CDHR2: variants seen among roughly 807,000 people sequenced by gnomAD.
CDHR2 encodes cadherin-related family member 2.
Under a neutral mutation model 138.6 loss-of-function variants are expected in CDHR2, and 104 were observed. The observed-to-expected ratio is 0.75, with a 90% CI of 0.64 to 0.88. The LOEUF is 0.88. Ranked by LOEUF, CDHR2 falls within the 40% of genes least tolerant of loss-of-function variation. The probability of loss-of-function intolerance (pLI) is 0.00; values close to 1 mark genes in which losing one functional copy is unlikely to be tolerated. For missense variants in CDHR2, 1,624 were observed against 1,727.6 expected, an observed-to-expected ratio of 0.94 and a Z score of 1.06; for synonymous variants, 755 against 742.8, an observed-to-expected ratio of 1.02 and a Z score of -0.27.
At chr5:176,547,054 C>G (rs1396007114), upstream of CDHR2, among the ~76,000 whole-genome samples, 1 of 151,274 alleles carries the variant, frequency 6.6e-6, no homozygotes, top group East Asian at 1.9e-4. Context: ...TCTTGGCTCA[C>G]TGCAACCTCT....
chr5:176,577,351 TG>T, intron 12 of CDHR2, 47 bp from the exon 13 acceptor site: 1 of 1,563,612 alleles, frequency 6.4e-7, no homozygotes, highest in East Asian at 2.3e-5. Flanking sequence ...AAGATGCAGG[TG>T]GGCAGAGCAG....
intron 20 of CDHR2, 64 bp downstream of exon 20, chr5:176,586,089 G>T: frequency 7.5e-7 from 1 of 1,329,678 alleles, no homozygotes. Flanking sequence ...GAGCAACCCC[G>T]ACAGACCCTC....
chr5:176,574,366 C>G (rs1758310339), intron 7 of CDHR2, among the ~76,000 whole-genome samples, 194 bp downstream of exon 7: 1 of 152,214 alleles, frequency 6.6e-6, no homozygotes, highest in Admixed American at 6.5e-5. Context: ...AAAGAGGGTG[C>G]CTGCTGCAGA....
chr5:176,583,840 G>T (rs1017428825), intron 17 of CDHR2, among the ~76,000 whole-genome samples: 1 of 152,206 alleles, frequency 6.6e-6, no homozygotes, highest in Non-Finnish European at 1.5e-5. Flanking sequence ...CGAGAGATGG[G>T]AGTCAAGCTG....
intron 3 of CDHR2, 74 bp from the exon 4 acceptor site, chr5:176,568,604 C>T (rs1434262479): frequency 1.1e-5 from 17 of 1,557,556 alleles, no homozygotes; most frequent in Non-Finnish European, 1.2e-5. Context: ...CCAGCCCAGC[C>T]TCACAGCCAG....
chr5:176,555,465 C>G (rs551632076), intron 1 of CDHR2, among the ~76,000 whole-genome samples: 243 of 152,346 alleles, frequency 1.6e-3, no homozygotes, highest in African/African-American at 5.7e-3. Flanking sequence ...AGATGAAATT[C>G]TATGAATCCC....
At chr5:176,582,134 C>T (rs1360940701) in intron 17 of CDHR2, among the ~76,000 whole-genome samples, 1 of 152,166 alleles carries the variant, frequency 6.6e-6, no homozygotes, top group African/African-American at 2.4e-5. Flanking sequence ...GATCCTCCTG[C>T]CTCAGCCTCC....
rs200367630 is a variant in CDHR2 at position 176,588,528 on chromosome 5, T to C, written c.2857-503T>C. Among the ~76,000 whole-genome samples, 11 of 136,916 alleles carry C rather than the reference T, an allele frequency of 8.0e-5. No individual in the cohort carries two copies. In the East Asian group the frequency reaches 2.2e-3, roughly 28 times the overall value. 89.8% of individuals were successfully genotyped at this position (136,916 alleles called of 152,430 possible). A position where few individuals can be genotyped will look rare whatever the true frequency, so the allele number is the denominator to read the frequency against. ...GTATGAGTGTGTGCATGTGTGTGAG[T>C]GTGTTAGGGTGAGTGAGTGTATGTG... is the stretch of plus-strand genomic sequence containing the variant. On this transcript the variant is annotated intron_variant, in intron 21 of 31. Coordinates refer to ENST00000261944, the MANE Select transcript of CDHR2 (RefSeq NM_017675.6).
At position 176,575,579 on chromosome 5, in the gene CDHR2, C is replaced by G; in HGVS notation, c.842C>G (p.Ser281Cys). 6.2e-7 allele frequency: 1 copy of G among 1,614,068 alleles called. No individual in the cohort carries two copies. The highest frequency in any genetic ancestry group is 8.5e-7 in the Non-Finnish European group (1 of 1,179,914). ...AATGACCCTGTGATCTACAGCATCT[C>G]CTGTGAGAACGGGGTGTCCCCAGGC... ...GINDPVIYSI[S>C]YSTRPGWFDI... The change falls in exon 10 of 32, where the codon TCC becomes TGC. Residue 281 changes from serine (S) to cysteine (C), a missense_variant and splice_region_variant. This residue lies in a region of CDHR2 where 1,061 missense variants were observed against 1,136.6 expected (regional missense o/e 0.93). Transcript: ENST00000261944.
At chr5:176,571,852 T>C (rs192891462) in intron 6 of CDHR2, among the ~76,000 whole-genome samples, 1 of 152,138 alleles carries the variant, frequency 6.6e-6, no homozygotes, top group African/African-American at 2.4e-5. Flanking sequence ...ATCTAAAAAA[T>C]TTAGAGGTAC....
chr5:176,590,054 C>T, intron 24 of CDHR2, 24 bp from the exon 25 acceptor site: 1 of 1,605,390 alleles, frequency 6.2e-7, no homozygotes, highest in Non-Finnish European at 8.5e-7. Flanking sequence ...CCCCAGGCCT[C>T]TGTGACATCT....
At chr5:176,581,661 T>A in intron 17 of CDHR2, 79 bp downstream of exon 17, 1 of 1,556,138 alleles carries the variant, frequency 6.4e-7, no homozygotes, top group Non-Finnish European at 8.7e-7. Context: ...GTCACACTTC[T>A]GCCCTCTGCA....
intron 2 of CDHR2, 38 bp from the exon 3 acceptor site, chr5:176,565,623 CGGGTTTTGCAG>C (rs770200523): frequency 6.5e-7 from 1 of 1,535,878 alleles, no homozygotes; most frequent in South Asian, 1.1e-5. Flanking sequence ...AGGTAGGGAT[CGGGTTTTGCAG>C]GGGTGTCCCG....
intron 31 of CDHR2, 97 bp from the exon 32 acceptor site, chr5:176,595,435 A>G: frequency 7.4e-7 from 1 of 1,349,164 alleles, no homozygotes. Flanking sequence ...CCAAGGAACC[A>G]CTGGTCGTGA....
chr5:176,565,843 C>A, intron 3 of CDHR2, 100 bp downstream of exon 3: 2 of 837,436 alleles, frequency 2.4e-6, no homozygotes, highest in South Asian at 1.5e-5. Flanking sequence ...AACTCCATGG[C>A]TTATTGTGGG....
At chr5:176,590,970 C>A (rs1353593006) in intron 28 of CDHR2, among the ~76,000 whole-genome samples, 1 of 152,250 alleles carries the variant, frequency 6.6e-6, no homozygotes, top group African/African-American at 2.4e-5. Flanking sequence ...TTAATAGATG[C>A]TGCTGCTTTT....
At chr5:176,580,126 G>GCACGCACTCATA (rs1758491744) in intron 16 of CDHR2, among the ~76,000 whole-genome samples, 1 of 110,842 alleles carries the variant, frequency 9.0e-6, no homozygotes, top group African/African-American at 3.4e-5. Context: ...ACACACTCAC[G>GCACGCACTCATA]CACGCACTCA....
chr5:176,550,073 A>AGTCGGGG (rs1441701757), intron 1 of CDHR2, among the ~76,000 whole-genome samples: 2 of 152,172 alleles, frequency 1.3e-5, no homozygotes, highest in Non-Finnish European at 2.9e-5. Flanking sequence ...CCCAGCTGAG[A>AGTCGGGG]GTCGGGGCCA....
At position 176,565,357 on chromosome 5, in the gene CDHR2, C is replaced by T. The variant is rs1758055106; in HGVS notation, c.5C>T (p.Ala2Val). 4.3e-6 allele frequency: 7 copies of T among 1,613,852 alleles called. No homozygotes were observed. The highest frequency in any genetic ancestry group is 5.1e-6 in the Non-Finnish European group (6 of 1,179,850). Reference protein sequence around the residue: MAQLWLSCFLLP... With the variant: MVQLWLSCFLLP... ...CCTTAGGTCCCTGCGGATGTGATGGCCCAGCTATGGCTGTCCTGCTTCCTC... is the reference window on the plus strand; with the variant it reads ...CCTTAGGTCCCTGCGGATGTGATGGTCCAGCTATGGCTGTCCTGCTTCCTC... Residue 2 changes from alanine (A) to valine (V), a missense_variant, in exon 2 of 32, where the codon GCC becomes GTC. Ala to Val is a moderately conservative substitution (Grantham distance 64). Coordinates refer to ENST00000261944, the MANE Select transcript of CDHR2 (RefSeq NM_017675.6).
Sources: allele counts gnomAD v4.1 joint callset (sites outside exome capture counted in the v4.1 genomes callset), GRCh38; gene constraint gnomAD v4.1.1; regional missense constraint gnomAD v4.1.1; transcripts MANE v1.5; gene names NCBI Gene and HGNC (gene_info 2026-07-23, HGNC 2026-07-21).